CD109: variants seen among roughly 807,000 people sequenced by gnomAD.
The protein encoded by CD109 is CD109 molecule.
CD109 carries 149 observed loss-of-function variants against 165.8 expected under a neutral mutation model. That is an observed-to-expected ratio of 0.90 (90% CI 0.79 to 1.03). The LOEUF (loss-of-function observed/expected upper bound fraction) is 1.03. CD109 is among the 50% of genes least tolerant of loss of function. The probability of loss-of-function intolerance (pLI) is 0.00; values close to 1 mark genes in which losing one functional copy is unlikely to be tolerated. For synonymous variants in CD109, 585 were observed against 592.1 expected, an observed-to-expected ratio of 0.99 and a Z score of 0.18; for missense variants, 1,712 against 1,677.8, an observed-to-expected ratio of 1.02 and a Z score of -0.36.
chr6:73,685,104 G>C, the CD109 span, among the ~76,000 whole-genome samples: 5 of 151,728 alleles, frequency 3.3e-5, no homozygotes, highest in African/African-American at 1.2e-4. Flanking sequence ...GGGTTTCACT[G>C]TGTTGGCCAG....
chr6:73,748,224 AT>A (rs1773056026), intron 5 of CD109, among the ~76,000 whole-genome samples: 1 of 152,076 alleles, frequency 6.6e-6, no homozygotes, highest in Non-Finnish European at 1.5e-5. Context: ...GTGTCTCTTA[AT>A]CTCTCTGCAT....
Position 73,748,829 on chromosome 6 carries a change from T to C in CD109, c.634-7814T>C, listed in dbSNP as rs563697093. Among the ~76,000 whole-genome samples, 106 of 152,334 alleles carry C rather than the reference T, an allele frequency of 7.0e-4. 3 individuals are homozygous for C. In the South Asian group the frequency reaches 0.02, roughly 29 times the overall value. ...GGGAAGGAAAGGATGATGTAAATGTTAATAAACATTTTCTCTCATTTTGCA... is the reference window on the plus strand; with the variant it reads ...GGGAAGGAAAGGATGATGTAAATGTCAATAAACATTTTCTCTCATTTTGCA... On this transcript the variant is annotated intron_variant, in intron 5 of 32. Transcript: ENST00000287097.
At chr6:73,730,621 A>C in intron 4 of CD109, 47 bp downstream of exon 4, 1 of 1,259,342 alleles carries the variant, frequency 7.9e-7, no homozygotes, top group Non-Finnish European at 1.1e-6. Context: ...CCATCTTACT[A>C]AACCCCTCTG....
intron 25 of CD109, 68 bp from the exon 26 acceptor site, chr6:73,808,015 A>C: frequency 7.1e-7 from 1 of 1,401,844 alleles, no homozygotes; most frequent in Non-Finnish European, 9.8e-7. Context: ...GTTTCAAAGT[A>C]CTTTTTGTTT....
chr6:73,725,779 C>T (rs1772120070), intron 3 of CD109, among the ~76,000 whole-genome samples: 1 of 152,154 alleles, frequency 6.6e-6, no homozygotes, highest in African/African-American at 2.4e-5. Context: ...TCCCAAAGTC[C>T]TGGGATTACA....
intron 24 of CD109, 90 bp from the exon 25 acceptor site, chr6:73,806,754 G>A: frequency 1.2e-6 from 1 of 839,496 alleles, no homozygotes; most frequent in South Asian, 1.8e-5. Flanking sequence ...CTTCTGATGG[G>A]GGAAAAAGTG....
intron 2 of CD109, among the ~76,000 whole-genome samples, chr6:73,704,293 G>A (rs79749674): frequency 0.012 from 1,793 of 152,070 alleles, 36 homozygotes; most frequent in African/African-American, 0.04. Flanking sequence ...AATTGTACTC[G>A]ACCAAATACT....
At chr6:73,793,586 C>T (rs1342509047) in intron 23 of CD109, among the ~76,000 whole-genome samples, 1 of 152,220 alleles carries the variant, frequency 6.6e-6, no homozygotes, top group South Asian at 2.1e-4. Flanking sequence ...TATAGTCATA[C>T]AGAGCTTGGA....
chr6:73,728,500 C>G (rs1772222973), intron 3 of CD109, among the ~76,000 whole-genome samples: 1 of 152,320 alleles, frequency 6.6e-6, no homozygotes, highest in South Asian at 2.1e-4. Flanking sequence ...CTACCATTAA[C>G]ATTTTACTAT....
At chr6:73,768,613 G>A (rs1020297186) in intron 14 of CD109, among the ~76,000 whole-genome samples, 4 of 152,178 alleles carry the variant, frequency 2.6e-5, no homozygotes, top group Non-Finnish European at 4.4e-5. Context: ...GGCCATCTAG[G>A]ATAATACGTA....
Position 73,808,136 on chromosome 6 carries a change from A to G in CD109, c.3243A>G (p.Arg1081=). 1 of 1,613,506 alleles carries G rather than the reference A, an allele frequency of 6.2e-7. No homozygotes were observed. The highest frequency in any genetic ancestry group is 1.1e-5 in the South Asian group (1 of 91,048). The change falls in exon 26 of 33, where the codon AGA becomes AGG. Residue 1081 remains arginine (R), a synonymous_variant. Coordinates refer to ENST00000287097, the MANE Select transcript of CD109 (RefSeq NM_133493.5). The part of the protein sequence containing the change: ...SIHFLESEFS[R]GISDNYTLAL... ...ATTTTTTGGAGTCTGAATTCAGTAG[A>G]GGAATTTCAGACAATTATACTCTAG...
At chr6:73,751,020 C>T (rs1412601769) in intron 5 of CD109, among the ~76,000 whole-genome samples, 2 of 152,156 alleles carry the variant, frequency 1.3e-5, no homozygotes, top group Non-Finnish European at 2.9e-5. Flanking sequence ...CCTTCTCCAG[C>T]TCGGGTCTTC....
At chr6:73,691,845 G>A (rs9442944), upstream of CD109, among the ~76,000 whole-genome samples, 96,483 of 151,898 alleles carry the variant, frequency 0.64, 31,200 homozygotes, top group African/African-American at 0.75. Context: ...ACCTGAGACT[G>A]GGTAACTTAT....
chr6:73,789,383 G>A (rs769493692), intron 22 of CD109, among the ~76,000 whole-genome samples: 8 of 151,994 alleles, frequency 5.3e-5, no homozygotes, highest in African/African-American at 7.2e-5. Context: ...AAATCAAGCT[G>A]GTTGACGTAG....
Position 73,766,140 on chromosome 6 carries a change from G to A in CD109, c.1318G>A (p.Glu440Lys). 8 of 1,613,642 alleles carry A rather than the reference G, an allele frequency of 5.0e-6. No homozygotes were observed. The highest frequency in any genetic ancestry group is 6.8e-6 in the Non-Finnish European group (8 of 1,179,582). Reference protein sequence around the residue: ...IEFPILEDSSELQLKAYFLGS... With the variant: ...IEFPILEDSSKLQLKAYFLGS... The stretch of plus-strand genomic sequence containing the variant: ...ATTCCCAATCCTGGAGGATTCCAGT[G>A]AGCTACAGTTGAAGGTGCCGTCTGT... The change falls in exon 11 of 33, where the codon GAG becomes AAG. Residue 440 changes from glutamate to lysine, a missense_variant. Coordinates refer to ENST00000287097, the MANE Select transcript of CD109 (RefSeq NM_133493.5).
the CD109 span, among the ~76,000 whole-genome samples, chr6:73,690,590 G>A: frequency 6.6e-6 from 1 of 152,134 alleles, no homozygotes; most frequent in Non-Finnish European, 1.5e-5. Context: ...TAGTAGATAC[G>A]GGGTTTCTCC....
In CD109 at chr6:73,806,834, T is replaced by C. The variant is rs1775583221; in HGVS notation, c.2961-10T>C. On this transcript the variant is annotated splice_polypyrimidine_tract_variant and intron_variant, in intron 24 of 32. Coordinates refer to ENST00000287097, the MANE Select transcript of CD109 (RefSeq NM_133493.5). ...TGTATTTTATGTAATTTTTTTCTCTTTTCATAAAGGTTGTCAGCTTTTGTT... is the reference window on the plus strand; with the variant it reads ...TGTATTTTATGTAATTTTTTTCTCTCTTCATAAAGGTTGTCAGCTTTTGTT... 2.5e-6 allele frequency: 4 copies of C among 1,603,436 alleles called. No homozygotes were observed. The highest frequency in any genetic ancestry group is 1.3e-5 in the African/African-American group (1 of 74,546).
chr6:73,749,613 A>C (rs1773113467), intron 5 of CD109, among the ~76,000 whole-genome samples: 1 of 152,248 alleles, frequency 6.6e-6, no homozygotes, highest in Non-Finnish European at 1.5e-5. Flanking sequence ...AATTTCAATC[A>C]GTGATGCAAA....
chr6:73,715,012 A>G (rs1351874229), intron 2 of CD109, among the ~76,000 whole-genome samples: 1 of 152,232 alleles, frequency 6.6e-6, no homozygotes, highest in Non-Finnish European at 1.5e-5. Context: ...TAATCCCAGC[A>G]CTTTGGGAGG....
Sources: allele counts gnomAD v4.1 joint callset (sites outside exome capture counted in the v4.1 genomes callset), GRCh38; gene constraint gnomAD v4.1.1; transcripts MANE v1.5; gene names NCBI Gene and HGNC (gene_info 2026-07-23, HGNC 2026-07-21).